The following ASCC3 variants were observed in gnomAD, a reference collection of about 807,000 sequenced individuals.
The protein encoded by ASCC3 is ASC-1 complex subunit P200.
ASCC3 carries 158 observed loss-of-function variants against 256.3 expected under a neutral mutation model. The ratio of observed to expected loss-of-function variants is 0.62; its 90% CI spans 0.54 to 0.70. The LOEUF (loss-of-function observed/expected upper bound fraction) is 0.70, where lower values mean the gene tolerates loss of function less well. Ranked by LOEUF, ASCC3 falls within the 30% of genes least tolerant of loss-of-function variation. The pLI, the probability that ASCC3 is intolerant of heterozygous loss-of-function variation, is 0.00. For synonymous variants in ASCC3, 948 were observed against 883.4 expected, an observed-to-expected ratio of 1.07 and a Z score of -1.30; for missense variants, 2,259 against 2,626.0, an observed-to-expected ratio of 0.86 and a Z score of 3.05.
rs758331485 is a variant in ASCC3 at position 100,767,213 on chromosome 6, T to C, written c.1528A>G (p.Met510Val). ...CGAATTTCATGCAAGACTGTCAGCA[T>C]TGCAATGTTGGTTTTTCCAGCTCCT... The part of the protein sequence containing the change: ...PTGAGKTNIA[M>V]LTVLHEIRQH... Residue 510 changes from methionine to valine, a missense_variant, in exon 9 of 42, where the codon ATG becomes GTG. Physicochemically the swap from Met to Val is conservative, Grantham distance 21. Coordinates refer to ENST00000369162, the MANE Select transcript of ASCC3 (RefSeq NM_006828.4). The C allele has an allele frequency of 5.6e-6, 9 of 1,614,022 alleles. No individual in the cohort carries two copies. In the African/African-American group the frequency reaches 8.0e-5, roughly 14 times the overall value.
At chr6:100,674,023 T>G (rs115899500) in intron 14 of ASCC3, among the ~76,000 whole-genome samples, 2,225 of 152,296 alleles carry the variant, frequency 0.015, 50 homozygotes, top group African/African-American at 0.051. Flanking sequence ...ACATTTCCTC[T>G]GAACTGTTTA....
intron 37 of ASCC3, 34 bp from the exon 38 acceptor site, chr6:100,518,176 A>G (rs1774130108): frequency 6.2e-7 from 1 of 1,611,584 alleles, no homozygotes; most frequent in South Asian, 1.1e-5. Context: ...TACAAGAATT[A>G]TATCATGGTA....
At chr6:100,584,474 G>A (rs1395894078) in intron 36 of ASCC3, among the ~76,000 whole-genome samples, 1 of 152,024 alleles carries the variant, frequency 6.6e-6, no homozygotes, top group African/African-American at 2.4e-5. Flanking sequence ...TTGAGCCTAT[G>A]TGTGTCTCTG....
At chr6:100,650,140 T>G (rs1455062027) in intron 20 of ASCC3, among the ~76,000 whole-genome samples, 1 of 151,310 alleles carries the variant, frequency 6.6e-6, no homozygotes, top group African/African-American at 2.4e-5. Flanking sequence ...TTTCTAATAT[T>G]TGGTAAAAAT....
intron 4 of ASCC3, among the ~76,000 whole-genome samples, chr6:100,819,021 T>C (rs935582373): frequency 1.3e-5 from 2 of 152,150 alleles, no homozygotes; most frequent in East Asian, 1.9e-4. Context: ...TGCAGGGACA[T>C]AGATGAAGCT....
chr6:100,650,510 G>C, intron 20 of ASCC3, 28 bp downstream of exon 20: 8 of 1,609,204 alleles, frequency 5.0e-6, no homozygotes, highest in Non-Finnish European at 6.8e-6. Flanking sequence ...TCAAGGAAGA[G>C]AAAACTGGAA....
At chr6:100,771,452 A>G (rs773092473) in intron 8 of ASCC3, among the ~76,000 whole-genome samples, 1 of 152,160 alleles carries the variant, frequency 6.6e-6, no homozygotes, top group Non-Finnish European at 1.5e-5. Flanking sequence ...TATCTTTAAG[A>G]TACTGTTAAG....
At chr6:100,747,759 T>C (rs1780753465) in intron 10 of ASCC3, among the ~76,000 whole-genome samples, 1 of 152,094 alleles carries the variant, frequency 6.6e-6, no homozygotes, top group African/African-American at 2.4e-5. Flanking sequence ...ATTATTTTGA[T>C]TGTGATGATG....
Position 100,627,679 on chromosome 6 carries a change from C to T in ASCC3, c.4553G>A (p.Arg1518His), listed in dbSNP as rs148742449. The T allele has an allele frequency of 3.1e-6, 5 of 1,613,326 alleles. No homozygotes were observed. The highest frequency in any genetic ancestry group is 2.2e-5 in the South Asian group (2 of 91,058). ...MGLFNFRPSV[R>H]PVPLEVHIQG... The stretch of plus-strand genomic sequence containing the variant: ...AATGTGAACTTCCAGTGGAACTGGG[C>T]GTACTGATGGTCGGAAGTTAAACAA... The change falls in exon 29 of 42, where the codon CGC becomes CAC. Residue 1518 changes from arginine to histidine, a missense_variant. This residue lies in a region of ASCC3 where 1,839 missense variants were observed against 2,206.7 expected (regional missense o/e 0.83). Coordinates refer to ENST00000369162, the MANE Select transcript of ASCC3 (RefSeq NM_006828.4).
rs1161942832 is a variant in ASCC3 at position 100,608,225 on chromosome 6, T to TTATATATACTTTATATATATACTTTATA, written c.4786-1138_4786-1137insTATAAAGTATATATATAAAGTATATATA. Among the ~76,000 whole-genome samples, 22 of 24,118 alleles carry TTATATATACTTTATATATATACTTTATA rather than the reference T, an allele frequency of 9.1e-4. 3 individuals carry two copies. The highest frequency in any genetic ancestry group is 1.4e-3 in the Non-Finnish European group (20 of 14,220). 15.8% of individuals were successfully genotyped at this position (24,118 alleles called of 152,430 possible). On this transcript the variant is annotated intron_variant, in intron 30 of 41. Coordinates refer to ENST00000369162, the MANE Select transcript of ASCC3 (RefSeq NM_006828.4). ...TATATATATACTTTATATATATACT[T>TTATATATACTTTATATATATACTTTATA]TATATACTTTATACTTTATATATAT...
intron 13 of ASCC3, among the ~76,000 whole-genome samples, chr6:100,714,687 C>T (rs532296518): frequency 3.4e-4 from 51 of 152,012 alleles, no homozygotes; most frequent in South Asian, 1.7e-3. Flanking sequence ...TTGTGATTTC[C>T]GAAAAAGTTA....
intron 10 of ASCC3, among the ~76,000 whole-genome samples, chr6:100,753,092 ACTCTTAC>A (rs1781010956): frequency 6.6e-6 from 1 of 151,984 alleles, no homozygotes. Context: ...TAAGCACCAC[ACTCTTAC>A]CAATCAAAAA....
chr6:100,563,319 T>C (rs769316602), intron 36 of ASCC3, among the ~76,000 whole-genome samples: 2 of 152,218 alleles, frequency 1.3e-5, no homozygotes, highest in Non-Finnish European at 2.9e-5. Context: ...TATACAATTT[T>C]AACATTATGC....
chr6:100,672,798 T>C (rs1277905717), intron 14 of ASCC3, among the ~76,000 whole-genome samples: 5 of 152,102 alleles, frequency 3.3e-5, no homozygotes, highest in Admixed American at 6.6e-5. Flanking sequence ...ATGGTTTCTG[T>C]TCCTTTTACT....
At chr6:100,877,265 A>T (rs1212078049) in intron 1 of ASCC3, among the ~76,000 whole-genome samples, 1 of 152,178 alleles carries the variant, frequency 6.6e-6, no homozygotes, top group Non-Finnish European at 1.5e-5. Flanking sequence ...TCAAAGTGAT[A>T]TACTGCAGAT....
At chr6:100,775,903 T>C (rs760164923) in intron 8 of ASCC3, among the ~76,000 whole-genome samples, 3 of 152,074 alleles carry the variant, frequency 2.0e-5, no homozygotes, top group Non-Finnish European at 4.4e-5. Context: ...ATTGTGTTTG[T>C]AAGCTATTGG....
chr6:100,636,995 T>C (rs1042445474), intron 25 of ASCC3, among the ~76,000 whole-genome samples: 2 of 152,178 alleles, frequency 1.3e-5, no homozygotes, highest in East Asian at 1.9e-4. Flanking sequence ...CTGGAAAATA[T>C]AGCAAAGATA....
chr6:100,590,146 A>G (rs1771928477), intron 34 of ASCC3, 87 bp from the exon 35 acceptor site: 1 of 881,552 alleles, frequency 1.1e-6, no homozygotes, highest in African/African-American at 1.7e-5. Context: ...ATATATAAAT[A>G]TAATCCCCTT....
intron 36 of ASCC3, among the ~76,000 whole-genome samples, chr6:100,550,419 T>G (rs1769231127): frequency 6.6e-6 from 1 of 151,976 alleles, no homozygotes; most frequent in Non-Finnish European, 1.5e-5. Context: ...AAGAGAAACC[T>G]CTGAAAGTGT....
Sources: gnomAD v4.1 joint callset for allele counts (sites outside exome capture counted in the v4.1 genomes callset) on GRCh38, gnomAD v4.1.1 for gene constraint, gnomAD v4.1.1 regional missense constraint, MANE v1.5 for transcripts, NCBI Gene and HGNC (gene_info 2026-07-23, HGNC 2026-07-21) for gene names.